CHD9: variants seen among roughly 807,000 people sequenced by gnomAD.
The protein encoded by CHD9 is ATP-dependent chromatin remodeler CHD9.
In CHD9, 77 loss-of-function variants were observed where a neutral mutation model predicts 316.1. That is an observed-to-expected ratio of 0.24 (90% CI 0.20 to 0.29). The LOEUF is 0.29. Among genes scored for constraint, CHD9 ranks in the 10% least tolerant of loss-of-function variants. CHD9 has a pLI of 1.00. For missense variants in CHD9, 2,763 were observed against 3,438.1 expected (o/e 0.80, Z 4.91); for synonymous variants, 1,129 against 1,158.3 (o/e 0.97, Z 0.51).
At chr16:53,157,599 T>G in intron 2 of CHD9, 58 bp downstream of exon 2, 1 of 1,466,818 alleles carries the variant, frequency 6.8e-7, no homozygotes. Flanking sequence ...CTGTTAGTCA[T>G]TGGGTTAATT....
intron 2 of CHD9, among the ~76,000 whole-genome samples, chr16:53,193,271 AC>A (rs1440223331): frequency 6.6e-6 from 1 of 151,916 alleles, no homozygotes; most frequent in African/African-American, 2.4e-5. Context: ...ACACGGTGAA[AC>A]CCTGTCGCTA....
At chr16:53,300,627 A>T (rs923598797) in intron 30 of CHD9, among the ~76,000 whole-genome samples, 1 of 152,200 alleles carries the variant, frequency 6.6e-6, no homozygotes, top group Admixed American at 6.5e-5. Context: ...ACCTATTTCT[A>T]TGTTAATAGA....
chr16:53,148,931 A>G (rs935326219), intron 1 of CHD9, among the ~76,000 whole-genome samples: 1 of 152,204 alleles, frequency 6.6e-6, no homozygotes, highest in Non-Finnish European at 1.5e-5. Flanking sequence ...CATTGCTTTG[A>G]TAAGCACTGG....
At chr16:53,126,968 C>T (rs868081428) in intron 1 of CHD9, among the ~76,000 whole-genome samples, 2 of 151,374 alleles carry the variant, frequency 1.3e-5, no homozygotes, top group African/African-American at 2.4e-5. Flanking sequence ...TGTGAGCCAC[C>T]GCACCCAGCC....
At chr16:53,084,190 A>G (rs966367852) in intron 1 of CHD9, among the ~76,000 whole-genome samples, 3 of 152,154 alleles carry the variant, frequency 2.0e-5, no homozygotes, top group Non-Finnish European at 2.9e-5. Flanking sequence ...CCGCACCAGT[A>G]GAAGAGCTCC....
intron 2 of CHD9, among the ~76,000 whole-genome samples, chr16:53,192,261 C>T (rs1054279854): frequency 6.6e-6 from 1 of 152,124 alleles, no homozygotes; most frequent in Non-Finnish European, 1.5e-5. Flanking sequence ...ACATACAACA[C>T]CGACTCCTGA....
intron 1 of CHD9, among the ~76,000 whole-genome samples, chr16:53,139,678 TTTAG>T (rs1375869858): frequency 6.6e-6 from 1 of 152,176 alleles, no homozygotes; most frequent in Non-Finnish European, 1.5e-5. Context: ...GAAAGCTACA[TTTAG>T]TTAAGCACTT....
Position 53,273,762 on chromosome 16 carries a change from A to T in CHD9, c.4854A>T (p.Lys1618Asn), listed in dbSNP as rs2052520862. ...EQLLQDEGYK[K>N]HIKHHCNKVL... is the part of the protein sequence containing the mutation. ...TCCTTCAAGATGAAGGCTACAAAAA[A>T]CATATAAAACACCACTGTAATAAGT... Residue 1618 changes from lysine to asparagine, a missense_variant, in exon 23 of 39, where the codon AAA becomes AAT. Physicochemically the swap from Lys to Asn is moderately conservative, Grantham distance 94. Coordinates refer to ENST00000447540, the MANE Select transcript of CHD9 (RefSeq NM_001308319.2). 2 of 1,612,784 alleles carry T rather than the reference A, an allele frequency of 1.2e-6. No individual in the cohort carries two copies. Among genetic ancestry groups the T allele is most frequent in the Admixed American group, 1.7e-5 (1 of 59,796 alleles).
At chr16:53,164,781 G>T (rs2042163794) in intron 2 of CHD9, among the ~76,000 whole-genome samples, 1 of 151,870 alleles carries the variant, frequency 6.6e-6, no homozygotes, top group Non-Finnish European at 1.5e-5. Context: ...AGCCTCCCAG[G>T]TAGCTGGGAT....
At chr16:53,215,367 A>G (rs879492693) in intron 3 of CHD9, among the ~76,000 whole-genome samples, 1 of 152,194 alleles carries the variant, frequency 6.6e-6, no homozygotes, top group Non-Finnish European at 1.5e-5. Flanking sequence ...TTTAAACAGG[A>G]AGTAATAGTC....
At chr16:53,161,217 T>C (rs2041888005) in intron 2 of CHD9, among the ~76,000 whole-genome samples, 2 of 152,226 alleles carry the variant, frequency 1.3e-5, no homozygotes, top group African/African-American at 4.8e-5. Flanking sequence ...GAGAGGATTA[T>C]TATGATTATT....
At chr16:53,210,605 A>T (rs1187830251) in intron 3 of CHD9, among the ~76,000 whole-genome samples, 1 of 151,996 alleles carries the variant, frequency 6.6e-6, no homozygotes, top group East Asian at 1.9e-4. Flanking sequence ...TTTTTTCAGG[A>T]CTGGTTATTT....
intron 2 of CHD9, among the ~76,000 whole-genome samples, chr16:53,186,730 C>T (rs111295736): frequency 6.6e-6 from 1 of 152,120 alleles, no homozygotes; most frequent in Admixed American, 6.5e-5. Flanking sequence ...TTTTCCCCAT[C>T]CTGTTCTTGT....
chr16:53,156,269 A>C lies in CHD9; in HGVS notation c.180A>C (p.Pro60=). The change falls in exon 2 of 39, where the codon CCA becomes CCC. Residue 60 remains proline, a synonymous_variant. Transcript: ENST00000447540. Reference sequence around the variant, plus strand: ...CACTGAACCATGTTCAAGGTACTCCAACACATCAGAAGATGACTGATTTTG... The same window carrying C: ...CACTGAACCATGTTCAAGGTACTCCCACACATCAGAAGATGACTGATTTTG... ...IDSLNHVQGT[P]THQKMTDFEQ... 1 of 1,614,012 alleles carries C rather than the reference A, an allele frequency of 6.2e-7. No individual in the cohort carries two copies. The highest frequency in any genetic ancestry group is 1.1e-5 in the South Asian group (1 of 91,086).
At chr16:53,316,859 T>C (rs2056917321) in intron 36 of CHD9, among the ~76,000 whole-genome samples, 1 of 152,110 alleles carries the variant, frequency 6.6e-6, no homozygotes, top group Non-Finnish European at 1.5e-5. Flanking sequence ...TAAGTAGGCA[T>C]TGACCAGGTT....
intron 2 of CHD9, among the ~76,000 whole-genome samples, chr16:53,206,718 C>T (rs2152863208): frequency 6.6e-6 from 1 of 152,276 alleles, no homozygotes; most frequent in East Asian, 1.9e-4. Flanking sequence ...TACATTTTAG[C>T]TCTTATTGTC....
At position 53,306,302 on chromosome 16, in the gene CHD9, G is replaced by A; in HGVS notation, c.6685G>A (p.Glu2229Lys). ...SVASLSTTQDETQDSFQMNNG... is the reference protein window; with the variant it reads ...SVASLSTTQDKTQDSFQMNNG... Reference sequence around the variant, plus strand: ...CGCGTCACTGAGCACTACCCAGGATGAGACTCAGGATAGTTTTCAGATGAA... The same window carrying A: ...CGCGTCACTGAGCACTACCCAGGATAAGACTCAGGATAGTTTTCAGATGAA... The change falls in exon 32 of 39, where the codon GAG becomes AAG. Residue 2229 changes from glutamate to lysine, a missense_variant. Glu to Lys is a moderately conservative substitution (Grantham distance 56). Transcript: ENST00000447540. 6.2e-7 allele frequency: 1 copy of A among 1,610,824 alleles called. No individual in the cohort carries two copies. Among genetic ancestry groups the A allele is most frequent in the Non-Finnish European group, 8.5e-7 (1 of 1,178,174 alleles).
chr16:53,058,562 C>T (rs1397157097), intron 1 of CHD9, among the ~76,000 whole-genome samples: 2 of 152,174 alleles, frequency 1.3e-5, no homozygotes, highest in African/African-American at 2.4e-5. Flanking sequence ...GGCCAGGGGA[C>T]TCAAGGAGAG....
chr16:53,246,389 A>G (rs1597621398), intron 15 of CHD9, among the ~76,000 whole-genome samples: 1 of 152,232 alleles, frequency 6.6e-6, no homozygotes, highest in Non-Finnish European at 1.5e-5. Context: ...GAGGAAAGGA[A>G]TACAGAGAGC....
Sources: gnomAD v4.1 joint callset for allele counts (sites outside exome capture counted in the v4.1 genomes callset) on GRCh38, gnomAD v4.1.1 for gene constraint, MANE v1.5 for transcripts, NCBI Gene and HGNC (gene_info 2026-07-23, HGNC 2026-07-21) for gene names.